The following ATIC variants were observed in gnomAD, a reference collection of about 807,000 sequenced individuals.
ATIC encodes the protein bifunctional purine biosynthesis protein ATIC.
A neutral mutation model predicts 72.5 loss-of-function variants in ATIC; 64 were observed. The observed-to-expected ratio is 0.88, with a 90% CI of 0.72 to 1.09. The LOEUF (loss-of-function observed/expected upper bound fraction) is 1.09. Among genes scored for constraint, ATIC ranks in the 50% least tolerant of loss-of-function variants. The pLI, the probability that ATIC is intolerant of heterozygous loss-of-function variation, is 0.00. For synonymous variants in ATIC, 281 were observed against 267.1 expected, an observed-to-expected ratio of 1.05 and a Z score of -0.51; for missense variants, 787 against 732.4, an observed-to-expected ratio of 1.07 and a Z score of -0.86.
At chr2:215,361,745 C>T in the ATIC span, 3 of 1,020,996 alleles carry the variant, frequency 2.9e-6, no homozygotes, top group South Asian at 1.3e-5. Context: ...AATATTTCTT[C>T]CTAGTTTCAA....
At chr2:215,330,805 A>T (rs2052884137) in intron 7 of ATIC, among the ~76,000 whole-genome samples, 1 of 151,720 alleles carries the variant, frequency 6.6e-6, no homozygotes, top group African/African-American at 2.4e-5. Flanking sequence ...TGGCCTCTCA[A>T]GTAGCTGGGA....
intron 1 of ATIC, 127 bp downstream of exon 1, chr2:215,312,288 C>G (rs1354115894): frequency 8.3e-6 from 12 of 1,441,458 alleles, no homozygotes; most frequent in Admixed American, 5.0e-5. Flanking sequence ...CCAGCGTCCC[C>G]GCTCCCCGGC....
At chr2:215,337,175 G>T (rs186985546) in intron 11 of ATIC, among the ~76,000 whole-genome samples, 1 of 151,172 alleles carries the variant, frequency 6.6e-6, no homozygotes, top group Non-Finnish European at 1.5e-5. Context: ...AAAGCAAAGA[G>T]TTATTTCAAT....
chr2:215,344,683 C>CA (rs2053053729), intron 12 of ATIC, 96 bp from the exon 13 acceptor site: 13 of 1,257,422 alleles, frequency 1.0e-5, no homozygotes, highest in South Asian at 1.0e-4. Context: ...GACTCTGACT[C>CA]AAAAAAACCA....
At chr2:215,359,285 T>C in the ATIC span, among the ~76,000 whole-genome samples, 1 of 152,192 alleles carries the variant, frequency 6.6e-6, no homozygotes, top group Non-Finnish European at 1.5e-5. Context: ...CTTATGTTTT[T>C]AGATATCAAG....
At chr2:215,313,305 C>G (rs2052675323) in intron 2 of ATIC, among the ~76,000 whole-genome samples, 1 of 152,154 alleles carries the variant, frequency 6.6e-6, no homozygotes, top group Non-Finnish European at 1.5e-5. Context: ...CATGAAGATT[C>G]CAATTTACCT....
intron 10 of ATIC, among the ~76,000 whole-genome samples, chr2:215,335,683 T>C (rs1336233162): frequency 6.6e-6 from 1 of 152,200 alleles, no homozygotes; most frequent in Non-Finnish European, 1.5e-5. Flanking sequence ...GAAGAGGTCA[T>C]TTAACCATGT....
chr2:215,349,630 C>A lies in ATIC; in HGVS notation c.1754C>A (p.Thr585Lys). 2 of 1,614,186 alleles carry A rather than the reference C, an allele frequency of 1.2e-6. No homozygotes were observed. Among genetic ancestry groups the A allele is most frequent in the Non-Finnish European group, 1.7e-6 (2 of 1,180,042 alleles). Residue 585 changes from threonine to lysine, a missense_variant, in exon 16 of 16, where the codon ACG becomes AAG. Coordinates refer to ENST00000236959, the MANE Select transcript of ATIC (RefSeq NM_004044.7). ...CDELGIILAHTNLRLFHH is the reference protein window; with the variant it reads ...CDELGIILAHKNLRLFHH The stretch of plus-strand genomic sequence containing the variant: ...GAACTGGGAATCATCCTCGCTCATA[C>A]GAACCTTCGGCTCTTCCACCACTGA...
At chr2:215,367,528 CTG>C in the ATIC span, among the ~76,000 whole-genome samples, 1 of 152,162 alleles carries the variant, frequency 6.6e-6, no homozygotes, top group Non-Finnish European at 1.5e-5. Context: ...TGAGGTTTTT[CTG>C]TGTCTCTAAT....
intron 13 of ATIC, chr2:215,345,282 T>C (rs1171734662): frequency 3.5e-6 from 1 of 281,764 alleles, no homozygotes; most frequent in Non-Finnish European, 7.0e-6. Flanking sequence ...TCTTATGTTG[T>C]CTTATCAAGA....
chr2:215,345,079 T>C (rs1224907062), intron 13 of ATIC: 9 of 622,164 alleles, frequency 1.4e-5, no homozygotes, highest in Non-Finnish European at 2.6e-5. Flanking sequence ...GTACTCAAAG[T>C]AGTTGTGCTG....
intron 9 of ATIC, 66 bp downstream of exon 9, chr2:215,333,523 T>A: frequency 7.6e-7 from 1 of 1,315,104 alleles, no homozygotes; most frequent in Non-Finnish European, 1.1e-6. Flanking sequence ...CTAAATAGAA[T>A]AAAGAGGATA....
At chr2:215,325,937 A>C (rs1244472430) in intron 5 of ATIC, 50 bp from the exon 6 acceptor site, 16 of 1,601,780 alleles carry the variant, frequency 1.0e-5, no homozygotes, top group Non-Finnish European at 1.4e-5. Flanking sequence ...AAAGCGGTTC[A>C]TAAGCTGATA....
Position 215,346,846 on chromosome 2 carries a change from C to T in ATIC, c.1408C>T (p.His470Tyr), listed in dbSNP as rs1043260810. 8.1e-6 allele frequency: 13 copies of T among 1,614,030 alleles called. No homozygotes were observed. The highest frequency in any genetic ancestry group is 3.3e-5 in the Admixed American group (2 of 59,998). The change falls in exon 14 of 16, where the codon CAT (histidine) becomes TAT (tyrosine). Residue 470 changes from histidine (H) to tyrosine (Y), a missense_variant. Transcript: ENST00000236959. The stretch of plus-strand genomic sequence containing the variant: ...GGCAAACTATTGGTGGCTTAGACAC[C>T]ATCCACAAGTGCTTTCGATGAAGTT... ...DKANYWWLRH[H>Y]PQVLSMKFKT...
chr2:215,317,549 G>A (rs536238279), intron 2 of ATIC, among the ~76,000 whole-genome samples: 17 of 152,058 alleles, frequency 1.1e-4, no homozygotes, highest in African/African-American at 4.1e-4. Context: ...GCAGTGGCAT[G>A]ATCTCGGCTC....
At chr2:215,314,782 G>A (rs1210057471) in intron 2 of ATIC, among the ~76,000 whole-genome samples, 2 of 151,940 alleles carry the variant, frequency 1.3e-5, no homozygotes, top group Non-Finnish European at 2.9e-5. Flanking sequence ...GTGAGCCACC[G>A]CACCCGAGGC....
chr2:215,332,253 G>A, intron 7 of ATIC, 129 bp from the exon 8 acceptor site: 1 of 1,296,830 alleles, frequency 7.7e-7, no homozygotes, highest in African/African-American at 1.5e-5. Flanking sequence ...TTTTATGTTT[G>A]TGTGTATCTG....
chr2:215,319,179 C>T (rs1249932155), intron 3 of ATIC, among the ~76,000 whole-genome samples: 1 of 152,134 alleles, frequency 6.6e-6, no homozygotes, highest in Non-Finnish European at 1.5e-5. Flanking sequence ...TGTGGCCAGC[C>T]AGATATATCT....
the ATIC span, chr2:215,362,419 A>G: frequency 6.3e-6 from 2 of 315,764 alleles, no homozygotes; most frequent in South Asian, 6.1e-5. Context: ...AGGTTTTCAA[A>G]GAATCCTAGC....
Sources: gnomAD v4.1 joint callset for allele counts (sites outside exome capture counted in the v4.1 genomes callset) on GRCh38, gnomAD v4.1.1 for gene constraint, MANE v1.5 for transcripts, NCBI Gene and HGNC (gene_info 2026-07-23, HGNC 2026-07-21) for gene names.